The following EFCAB13 variants were observed in gnomAD, a reference collection of about 807,000 sequenced individuals.
EFCAB13 encodes EF-hand calcium binding domain 13.
A neutral mutation model predicts 110.2 loss-of-function variants in EFCAB13; 91 were observed. The ratio of observed to expected loss-of-function variants is 0.83; its 90% CI spans 0.70 to 0.98. The LOEUF (loss-of-function observed/expected upper bound fraction) is 0.98. Among genes scored for constraint, EFCAB13 ranks in the 50% least tolerant of loss-of-function variants. The probability of loss-of-function intolerance (pLI) is 0.00; values close to 1 mark genes in which losing one functional copy is unlikely to be tolerated. For missense variants in EFCAB13, 968 were observed against 1,119.4 expected (o/e 0.86, Z 1.93); for synonymous variants, 323 against 369.9 (o/e 0.87, Z 1.45).
chr17:47,415,243 G>C (rs987626220), intron 23 of EFCAB13, among the ~76,000 whole-genome samples: 2 of 152,106 alleles, frequency 1.3e-5, no homozygotes, highest in Non-Finnish European at 2.9e-5. Context: ...GTTATGGGGT[G>C]GGGGGACAGG....
chr17:47,395,416 T>G (rs1281680408), intron 16 of EFCAB13, among the ~76,000 whole-genome samples: 1 of 152,208 alleles, frequency 6.6e-6, no homozygotes, highest in Non-Finnish European at 1.5e-5. Flanking sequence ...GGATTTTGCA[T>G]TGAAATAGTC....
chr17:47,403,274 A>G (rs960075680), intron 18 of EFCAB13, among the ~76,000 whole-genome samples: 1 of 152,186 alleles, frequency 6.6e-6, no homozygotes. Context: ...ATACATTGTT[A>G]TATTTACTCT....
chr17:47,395,970 AGTTGATG>A lies in EFCAB13; in HGVS notation c.1941_1945+2del. On this transcript the variant is annotated frameshift_variant and splice_region_variant, in exon 17 of 25. Transcript: ENST00000331493. LOFTEE classifies it high-confidence loss of function. Reference sequence around the variant, plus strand: ...TTCTAGCTGCATTGGAACTAGTGACAGTTGATGGTGAGTGTTACAAATACTAAAATTA... The same window carrying A: ...TTCTAGCTGCATTGGAACTAGTGACAGTGAGTGTTACAAATACTAAAATTA... 6.2e-7 allele frequency: 1 copy of A among 1,604,050 alleles called. No individual in the cohort carries two copies. Among genetic ancestry groups the A allele is most frequent in the South Asian group, 1.1e-5 (1 of 89,504 alleles).
chr17:47,351,302 TGTGCGCGCGCGCGC>T (rs1020558415), intron 9 of EFCAB13, among the ~76,000 whole-genome samples: 25 of 101,694 alleles, frequency 2.5e-4, no homozygotes, highest in Middle Eastern at 9.1e-3. Context: ...TGTGTGTGTG[TGTGCGCGCGCGCGC>T]GCGCGCGCGC....
intron 10 of EFCAB13, among the ~76,000 whole-genome samples, chr17:47,364,686 C>T (rs904473071): frequency 5.9e-5 from 9 of 152,218 alleles, no homozygotes; most frequent in Non-Finnish European, 1.3e-4. Flanking sequence ...TACCCCTGTC[C>T]ACTCTTATGT....
At chr17:47,415,075 A>G (rs1904390473) in intron 23 of EFCAB13, 156 bp downstream of exon 23, 2 of 480,968 alleles carry the variant, frequency 4.2e-6, no homozygotes, top group East Asian at 4.2e-5. Context: ...TGATGAGTTC[A>G]TGTCCTTTGT....
At chr17:47,379,989 A>G (rs920083166) in intron 14 of EFCAB13, among the ~76,000 whole-genome samples, 8 of 152,276 alleles carry the variant, frequency 5.3e-5, no homozygotes, top group African/African-American at 1.9e-4. Flanking sequence ...TTTCTGATGG[A>G]TGTAAGTGGT....
chr17:47,329,135 G>A (rs1056801349), intron 4 of EFCAB13: 6 of 152,058 alleles, frequency 3.9e-5, no homozygotes, highest in Non-Finnish European at 8.8e-5. Context: ...ATTATCAGTG[G>A]GGATAAAACA....
chr17:47,415,956 G>A (rs1355560912), intron 23 of EFCAB13, among the ~76,000 whole-genome samples: 1 of 151,878 alleles, frequency 6.6e-6, no homozygotes, highest in Non-Finnish European at 1.5e-5. Context: ...TCCCACATCT[G>A]CAGAGAACAC....
At chr17:47,438,019 G>GT (rs1375675973) in intron 24 of EFCAB13, among the ~76,000 whole-genome samples, 3 of 152,154 alleles carry the variant, frequency 2.0e-5, no homozygotes, top group Non-Finnish European at 4.4e-5. Context: ...GAATAAGACT[G>GT]TATCTTTCCT....
In EFCAB13 at chr17:47,374,667, A is replaced by G. The variant is rs1327915322; in HGVS notation, c.1073A>G (p.Lys358Arg). The G allele has an allele frequency of 1.2e-6, 2 of 1,611,258 alleles. No homozygotes were observed. The highest frequency in any genetic ancestry group is 1.7e-6 in the Non-Finnish European group (2 of 1,179,394). Reference sequence around the variant, plus strand: ...ATGGAGAATGATGACCTTGAATCTAAAAGACCAAAAAATACTTGGCAAATA... The same window carrying G: ...ATGGAGAATGATGACCTTGAATCTAGAAGACCAAAAAATACTTGGCAAATA... ...KIMENDDLES[K>R]RPKNTWQIRK... Residue 358 changes from lysine to arginine, a missense_variant, in exon 12 of 25, where the codon AAA becomes AGA. By Grantham distance (26) the Lys-to-Arg change is conservative (BLOSUM62 2). Transcript: ENST00000331493.
At position 47,367,182 on chromosome 17, in the gene EFCAB13, A is replaced by G. The variant is rs989134358; in HGVS notation, c.806-3255A>G. Among the ~76,000 whole-genome samples, 5 of 152,232 alleles carry G rather than the reference A, an allele frequency of 3.3e-5. No homozygotes were observed. In the East Asian group the frequency reaches 9.6e-4, roughly 29 times the overall value. On this transcript the variant is annotated intron_variant, in intron 10 of 24. Transcript: ENST00000331493. Reference sequence around the variant, plus strand: ...ATAAGAAACCAAAATGTAGGAAGCAATCTCTAATCAGAAGGCAATTTAGCA... The same window carrying G: ...ATAAGAAACCAAAATGTAGGAAGCAGTCTCTAATCAGAAGGCAATTTAGCA...
rs201424547 is a variant in EFCAB13 at position 47,394,005 on chromosome 17, T to C, written c.1727-20T>C. On this transcript the variant is annotated intron_variant, in intron 15 of 24. Transcript: ENST00000331493. ...TAATACTTAAAAGATGCCAAAAAAA[T>C]GTGTTTCTTTTTCCTGTAGAAACAA... 6.9e-7 allele frequency: 1 copy of C among 1,445,574 alleles called. No individual in the cohort carries two copies. The highest frequency in any genetic ancestry group is 1.4e-5 in the South Asian group (1 of 72,628). 89.5% of individuals were successfully genotyped at this position (1,445,574 alleles called of 1,614,324 possible).
At chr17:47,432,433 A>AATAAATAC (rs1905135856) in intron 24 of EFCAB13, among the ~76,000 whole-genome samples, 1 of 148,790 alleles carries the variant, frequency 6.7e-6, no homozygotes. Flanking sequence ...TAAATAAATA[A>AATAAATAC]ATAAATAAAT....
chr17:47,414,924 G>A lies in EFCAB13; in HGVS notation c.2494+5G>A, dbSNP rs1475294455. ...CACATTTCCAAAAGTCCAAGGGTAA[G>A]TGAATACTTCTTGTTCAAGAGAATG... is the stretch of plus-strand genomic sequence containing the variant. On this transcript the variant is annotated splice_donor_5th_base_variant and intron_variant, in intron 23 of 24. Transcript: ENST00000331493. The A allele has an allele frequency of 6.4e-7, 1 of 1,566,352 alleles. No homozygotes were observed. Among genetic ancestry groups the A allele is most frequent in the Non-Finnish European group, 8.7e-7 (1 of 1,146,198 alleles).
chr17:47,371,862 C>T, intron 11 of EFCAB13, among the ~76,000 whole-genome samples: 1 of 152,142 alleles, frequency 6.6e-6, no homozygotes, highest in East Asian at 1.9e-4. Flanking sequence ...GATCCACCTG[C>T]CTCAGCCTCC....
At chr17:47,336,292 ATTT>A (rs5820651) in intron 5 of EFCAB13, among the ~76,000 whole-genome samples, 3,145 of 130,484 alleles carry the variant, frequency 0.024, 93 homozygotes, top group East Asian at 0.18. Context: ...ACACTCGGCT[ATTT>A]TTTTTTTTTT....
intron 20 of EFCAB13, 144 bp from the exon 21 acceptor site, chr17:47,409,503 C>T (rs1311402443): frequency 1.5e-6 from 1 of 660,172 alleles, no homozygotes; most frequent in Admixed American, 2.3e-5. Context: ...AGCCAGGGAA[C>T]AACTTTTGAG....
At position 47,342,009 on chromosome 17, in the gene EFCAB13, C is replaced by A; in HGVS notation, c.280C>A (p.Gln94Lys). ...AGTTGGGAGAAAGAGTTTACAAGTA[C>A]AACAGCACAGTAAAAGAACTGAGGT... ...KKVGRKSLQVQQHSKRTEIIP... is the reference protein window; with the variant it reads ...KKVGRKSLQVKQHSKRTEIIP... Residue 94 changes from glutamine to lysine, a missense_variant, in exon 6 of 25, where the codon CAA becomes AAA. Physicochemically the swap from Gln to Lys is moderately conservative, Grantham distance 53 (BLOSUM62 1). Coordinates refer to ENST00000331493, the MANE Select transcript of EFCAB13 (RefSeq NM_152347.5). The A allele has an allele frequency of 6.3e-7, 1 of 1,587,608 alleles. No homozygotes were observed. Among genetic ancestry groups the A allele is most frequent in the Non-Finnish European group, 8.6e-7 (1 of 1,168,426 alleles).
Sources: allele counts gnomAD v4.1 joint callset (sites outside exome capture counted in the v4.1 genomes callset), GRCh38; gene constraint gnomAD v4.1.1; transcripts MANE v1.5; gene names NCBI Gene and HGNC (gene_info 2026-07-23, HGNC 2026-07-21).